The following TIFA variants were observed in gnomAD, a reference collection of about 807,000 sequenced individuals.
TIFA encodes TRAF-interacting protein with FHA domain-containing protein A.
For missense variants in TIFA, 186 were observed against 215.2 expected (o/e 0.86, Z 0.85); for synonymous variants, 75 against 79.2 (o/e 0.95, Z 0.28).
chr4:112,285,490 T>A (rs1475076863), intron 1 of TIFA, 150 bp downstream of exon 1: 2 of 152,148 alleles, frequency 1.3e-5, no homozygotes, highest in African/African-American at 4.8e-5. Context: ...CCTTAGCATA[T>A]GGTGAGCGTG....
At chr4:112,281,438 A>T (rs931680376) in intron 1 of TIFA, among the ~76,000 whole-genome samples, 10 of 152,208 alleles carry the variant, frequency 6.6e-5, no homozygotes, top group African/African-American at 2.4e-4. Flanking sequence ...GAGAGAAAAA[A>T]TGGCATTCTG....
rs139652915 is a variant in TIFA at position 112,277,975 on chromosome 4, G to C, written c.442C>G (p.Leu148Val). ...GGTGGCCAGTTGTTTTCTTGCAAGA[G>C]TGATCTTGGAGATAAAATAAATTGA... ...ETQFILSPRS[L>V]LQENNWPPHR... is the part of the protein sequence containing the mutation. Residue 148 changes from leucine to valine, a missense_variant, in exon 2 of 2, where the codon CTC becomes GTC. Physicochemically the swap from Leu to Val is conservative, Grantham distance 32 (BLOSUM62 1). Coordinates refer to ENST00000361717, the MANE Select transcript of TIFA (RefSeq NM_052864.3). The C allele has an allele frequency of 7.7e-4, 1,248 of 1,614,026 alleles. 1 individual carries two copies. Among genetic ancestry groups the C allele is most frequent in the Non-Finnish European group, 9.4e-4 (1,109 of 1,179,994 alleles).
At chr4:112,280,216 T>A (rs74972115) in intron 1 of TIFA, among the ~76,000 whole-genome samples, 4,998 of 152,254 alleles carry the variant, frequency 0.033, 210 homozygotes, top group East Asian at 0.16. Flanking sequence ...GAGATTGATT[T>A]GTAGTTTTAT....
rs1560619800 is a variant in TIFA at position 112,275,968 on chromosome 4, A to G, written c.*1894T>C. 1 of 152,210 alleles carries G rather than the reference A, an allele frequency of 6.6e-6. No individual in the cohort carries two copies. The highest frequency in any genetic ancestry group is 6.5e-5 in the Admixed American group (1 of 15,276). 9.4% of individuals were successfully genotyped at this position (152,210 alleles called of 1,614,324 possible). ...AGCCGGGTGATCTGGCTGTAAACCC[A>G]CATCAGACCAGAAGCTAAAATCCTA... is the stretch of plus-strand genomic sequence containing the variant. On this transcript the variant is annotated 3_prime_UTR_variant, in exon 2 of 2. Coordinates refer to ENST00000361717, the MANE Select transcript of TIFA (RefSeq NM_052864.3).
At chr4:112,279,104 G>C (rs1275839721) in intron 1 of TIFA, among the ~76,000 whole-genome samples, 3 of 152,138 alleles carry the variant, frequency 2.0e-5, no homozygotes, top group Non-Finnish European at 4.4e-5. Context: ...CCATGAGTTG[G>C]TTCTAATTAT....
At chr4:112,284,814 T>C (rs1727290698) in intron 1 of TIFA, among the ~76,000 whole-genome samples, 1 of 151,726 alleles carries the variant, frequency 6.6e-6, no homozygotes. Context: ...GAAGTGTGGC[T>C]CTGAAGATAT....
chr4:112,282,757 C>T (rs967348543), intron 1 of TIFA, among the ~76,000 whole-genome samples: 6 of 152,198 alleles, frequency 3.9e-5, no homozygotes, highest in Non-Finnish European at 7.3e-5. Flanking sequence ...GGTGTCAACT[C>T]AACTGTCTGG....
chr4:112,279,431 A>C (rs1727181777), intron 1 of TIFA, among the ~76,000 whole-genome samples: 1 of 152,200 alleles, frequency 6.6e-6, no homozygotes, highest in African/African-American at 2.4e-5. Flanking sequence ...TCAAACACTA[A>C]CAAAGGATTT....
At position 112,278,482 on chromosome 4, in the gene TIFA, T is replaced by C. The variant is rs903152880; in HGVS notation, c.-18-48A>G. ...TTAGTTTCTGCTTATGCTTGAGGCATTGAGAACTTTGATTCTAACGTTTTG... is the reference window on the plus strand; with the variant it reads ...TTAGTTTCTGCTTATGCTTGAGGCACTGAGAACTTTGATTCTAACGTTTTG... On this transcript the variant is annotated intron_variant, in intron 1 of 1. Transcript: ENST00000361717. 7 of 1,464,492 alleles carry C rather than the reference T, an allele frequency of 4.8e-6. No homozygotes were observed. The African/African-American group carries it at 8.5e-5, about 18-fold the overall frequency. The allele number at this position is 1,464,492 out of a possible 1,614,324, so 90.7% of individuals were successfully genotyped here. A position where few individuals can be genotyped will look rare whatever the true frequency, so the allele number is the denominator to read the frequency against.
chr4:112,277,699 GAC>G lies in TIFA; in HGVS notation c.*161_*162del. ...GAATACAACAGGTGACTAAGTTAATGACTAACACAATTTACAGACTTCAAAAT... is the reference window on the plus strand; with the variant it reads ...GAATACAACAGGTGACTAAGTTAATGTAACACAATTTACAGACTTCAAAAT... On this transcript the variant is annotated 3_prime_UTR_variant, in exon 2 of 2. Coordinates refer to ENST00000361717, the MANE Select transcript of TIFA (RefSeq NM_052864.3). 1.7e-6 allele frequency: 1 copy of G among 588,574 alleles called. No individual in the cohort carries two copies. The highest frequency in any genetic ancestry group is 2.6e-6 in the Non-Finnish European group (1 of 378,436). 36.5% of individuals were successfully genotyped at this position (588,574 alleles called of 1,614,324 possible). A position where few individuals can be genotyped will look rare whatever the true frequency, so the allele number is the denominator to read the frequency against.
chr4:112,278,493 G>A (rs1436131366), intron 1 of TIFA, 59 bp from the exon 2 acceptor site: 1 of 1,414,580 alleles, frequency 7.1e-7, no homozygotes. Context: ...TGAGAACTTT[G>A]ATTCTAACGT....
intron 1 of TIFA, among the ~76,000 whole-genome samples, chr4:112,280,498 C>T (rs11940532): frequency 0.59 from 88,815 of 151,404 alleles, 27,196 homozygotes; most frequent in African/African-American, 0.78. Flanking sequence ...TACAAGTGTG[C>T]GCCACCACTC....
rs186838090 is a variant in TIFA at position 112,284,834 on chromosome 4, C to G, written c.-19+806G>C. 2.7e-3 allele frequency among the ~76,000 whole-genome samples: 404 copies of G among 151,454 alleles called. 1 individual carries two copies. Among genetic ancestry groups the G allele is most frequent in the African/African-American group, 9.4e-3 (389 of 41,198 alleles). ...GTGGCTCTGAAGATATTTGTGAACT[C>G]TGGCACAGCTGTTTGGCAGAATTAA... On this transcript the variant is annotated intron_variant, in intron 1 of 1. Coordinates refer to ENST00000361717, the MANE Select transcript of TIFA (RefSeq NM_052864.3).
rs1288079952 is a variant in TIFA at position 112,277,911 on chromosome 4, C to G, written c.506G>C (p.Cys169Ser). The change falls in exon 2 of 2, where the codon TGC becomes TCC. Residue 169 changes from cysteine (C) to serine (S), a missense_variant. Physicochemically the swap from Cys to Ser is moderately radical, Grantham distance 112. Transcript: ENST00000361717. ...TGTCGGAGAACTGCTTTGGGAGGAG[C>G]AGAGCGAATAAGTGCCATACTCCGG... is the stretch of plus-strand genomic sequence containing the variant. The part of the protein sequence containing the change: ...PIPEYGTYSL[C>S]SSQSSSPTEM... 2 of 1,611,364 alleles carry G rather than the reference C, an allele frequency of 1.2e-6. No individual in the cohort carries two copies. Among genetic ancestry groups the G allele is most frequent in the East Asian group, 2.2e-5 (1 of 44,886 alleles).
chr4:112,282,373 GC>G (rs1727243471), intron 1 of TIFA, among the ~76,000 whole-genome samples: 1 of 152,166 alleles, frequency 6.6e-6, no homozygotes. Context: ...CCTTTCATGT[GC>G]CAGGCAGACT....
intron 1 of TIFA, among the ~76,000 whole-genome samples, chr4:112,279,645 T>C (rs1727185825): frequency 2.0e-5 from 3 of 150,938 alleles, no homozygotes; most frequent in African/African-American, 7.3e-5. Context: ...AGAAACATGC[T>C]ATATTTAGTT....
chr4:112,278,924 C>T (rs1252475413), intron 1 of TIFA, among the ~76,000 whole-genome samples: 1 of 151,998 alleles, frequency 6.6e-6, no homozygotes, highest in African/African-American at 2.4e-5. Flanking sequence ...ATTGTGAAAC[C>T]TGGTTAAAGA....
intron 1 of TIFA, among the ~76,000 whole-genome samples, chr4:112,280,944 T>A (rs1484574392): frequency 6.6e-6 from 1 of 152,182 alleles, no homozygotes; most frequent in Non-Finnish European, 1.5e-5. Flanking sequence ...GAAGCCAAAG[T>A]CAGCAAGAAT....
At position 112,276,437 on chromosome 4, in the gene TIFA, T is replaced by C. The variant is rs1416161438; in HGVS notation, c.*1425A>G. On this transcript the variant is annotated 3_prime_UTR_variant, in exon 2 of 2. Coordinates refer to ENST00000361717, the MANE Select transcript of TIFA (RefSeq NM_052864.3). ...CTTCCATCTGCAGCCTTCATTCCCC[T>C]TTGCCACATAACAACACAGTTACAA... 1.3e-5 allele frequency: 2 copies of C among 153,072 alleles called. No individual in the cohort carries two copies. The highest frequency in any genetic ancestry group is 2.9e-5 in the Non-Finnish European group (2 of 68,092). 9.5% of individuals were successfully genotyped at this position (153,072 alleles called of 1,614,324 possible). A position where few individuals can be genotyped will look rare whatever the true frequency, so the allele number is the denominator to read the frequency against.
Sources: gnomAD v4.1 joint callset for allele counts (sites outside exome capture counted in the v4.1 genomes callset) on GRCh38, gnomAD v4.1.1 for gene constraint, MANE v1.5 for transcripts, NCBI Gene and HGNC (gene_info 2026-07-23, HGNC 2026-07-21) for gene names.